MYBPC2: variants seen among roughly 807,000 people sequenced by gnomAD.
MYBPC2 encodes the protein myosin-binding protein C, fast-type.
In MYBPC2, 122 loss-of-function variants were observed where a neutral mutation model predicts 137.0. The observed-to-expected ratio is 0.89, with a 90% CI of 0.77 to 1.03. The LOEUF is 1.03. Among genes scored for constraint, MYBPC2 ranks in the 50% least tolerant of loss-of-function variants. The pLI is 0.00. For synonymous variants in MYBPC2, 626 were observed against 612.3 expected, an observed-to-expected ratio of 1.02 and a Z score of -0.33; for missense variants, 1,500 against 1,534.4, an observed-to-expected ratio of 0.98 and a Z score of 0.37.
chr19:50,445,036 A>G (rs1272618746), intron 11 of MYBPC2, among the ~76,000 whole-genome samples: 2 of 152,184 alleles, frequency 1.3e-5, no homozygotes, highest in Middle Eastern at 3.2e-3. Flanking sequence ...ACATACATAC[A>G]TATAAAAGTT....
intron 9 of MYBPC2, among the ~76,000 whole-genome samples, chr19:50,443,227 G>A (rs2039771952): frequency 6.6e-6 from 1 of 152,154 alleles, no homozygotes; most frequent in Admixed American, 6.6e-5. Flanking sequence ...AGGGGCTGAG[G>A]TGGGAGGATG....
intron 25 of MYBPC2, 43 bp from the exon 26 acceptor site, chr19:50,461,857 G>T (rs771548804): frequency 6.3e-7 from 1 of 1,582,290 alleles, no homozygotes; most frequent in East Asian, 2.3e-5. Context: ...TGTCAGGGGA[G>T]AATCTAGATC....
intron 1 of MYBPC2, among the ~76,000 whole-genome samples, chr19:50,434,394 G>C (rs1397576019): frequency 6.6e-6 from 1 of 152,066 alleles, no homozygotes; most frequent in Non-Finnish European, 1.5e-5. Flanking sequence ...AGATTCCAAG[G>C]GACCTTCTCT....
chr19:50,458,556 CGA>C, intron 20 of MYBPC2, 29 bp from the exon 21 acceptor site: 1 of 1,604,800 alleles, frequency 6.2e-7, no homozygotes, highest in South Asian at 1.1e-5. Context: ...GAGGAGGGCA[CGA>C]GATCCGCCAG....
chr19:50,451,609 G>A (rs1171419090), intron 15 of MYBPC2, among the ~76,000 whole-genome samples: 1 of 150,314 alleles, frequency 6.7e-6, no homozygotes, highest in African/African-American at 2.5e-5. Context: ...CTAGACTGTA[G>A]GGTGTGAGGG....
intron 7 of MYBPC2, among the ~76,000 whole-genome samples, chr19:50,438,589 G>A (rs1317948393): frequency 6.6e-6 from 1 of 152,112 alleles, no homozygotes; most frequent in Non-Finnish European, 1.5e-5. Flanking sequence ...TTGAAGTCTG[G>A]GTGCAGTGGT....
At chr19:50,445,807 G>T in intron 11 of MYBPC2, 73 bp from the exon 12 acceptor site, 1 of 1,459,652 alleles carries the variant, frequency 6.9e-7, no homozygotes, top group Non-Finnish European at 9.3e-7. Flanking sequence ...ATGGGCCCCC[G>T]ACTGACTCTC....
rs2039959011 is a variant in MYBPC2 at position 50,460,142 on chromosome 19, T to C, written c.2894T>C (p.Met965Thr). The change falls in exon 24 of 28, where the codon ATG (methionine) becomes ACG (threonine). Residue 965 changes from methionine to threonine, a missense_variant. Transcript: ENST00000357701. ...APKDDGNSEIMGYFVQKADKK... is the reference protein window; with the variant it reads ...APKDDGNSEITGYFVQKADKK... ...AAAGATGATGGGAACAGTGAGATCA[T>C]GGGGTATTTCGTCCAGAAAGCAGAC... 4 of 1,592,596 alleles carry C rather than the reference T, an allele frequency of 2.5e-6. No individual in the cohort carries two copies. The highest frequency in any genetic ancestry group is 2.6e-6 in the Non-Finnish European group (3 of 1,170,582).
At chr19:50,452,496 GTATGTATGTATGTATCTATC>G (rs1332856692) in intron 16 of MYBPC2, among the ~76,000 whole-genome samples, 52 of 51,948 alleles carry the variant, frequency 1.0e-3, no homozygotes, top group East Asian at 6.1e-3. Context: ...ATGTATGTAT[GTATGTATGTATGTATCTATC>G]TATCTATCTA....
At chr19:50,464,611 G>C (rs1601300991) in intron 27 of MYBPC2, 79 bp downstream of exon 27, 2 of 1,437,906 alleles carry the variant, frequency 1.4e-6, no homozygotes, top group Non-Finnish European at 1.8e-6. Context: ...CCCGGGCTGA[G>C]CACCGCTGAG....
chr19:50,452,706 TGC>T (rs770172817), intron 16 of MYBPC2, among the ~76,000 whole-genome samples: 29 of 152,088 alleles, frequency 1.9e-4, no homozygotes, highest in Non-Finnish European at 3.5e-4. Context: ...CACAAAAGTG[TGC>T]CACCATGCCT....
chr19:50,459,227 C>G lies in MYBPC2; in HGVS notation c.2712C>G (p.Arg904=). ...TGTTCTTCGTGCGCCAGGCGGCCCG[C>G]TCCGACTCCGGGGAGTACGAGCTGA... is the stretch of plus-strand genomic sequence containing the variant. ...DTVFFVRQAA[R]SDSGEYELSV... is the part of the protein sequence containing the mutation. The change falls in exon 23 of 28, where the codon CGC becomes CGG. Residue 904 remains arginine, a synonymous_variant. Transcript: ENST00000357701. The G allele has an allele frequency of 1.2e-6, 2 of 1,611,378 alleles. No individual in the cohort carries two copies. Among genetic ancestry groups the G allele is most frequent in the Non-Finnish European group, 1.7e-6 (2 of 1,179,578 alleles).
chr19:50,460,251 A>G, intron 24 of MYBPC2, 72 bp downstream of exon 24: 1 of 1,509,248 alleles, frequency 6.6e-7, no homozygotes, highest in Non-Finnish European at 8.9e-7. Flanking sequence ...TCCCCCGTTC[A>G]CAGCTGGAAG....
intron 16 of MYBPC2, among the ~76,000 whole-genome samples, chr19:50,453,131 T>G (rs888016901): frequency 6.6e-6 from 1 of 152,176 alleles, no homozygotes; most frequent in African/African-American, 2.4e-5. Flanking sequence ...TATTTATTTT[T>G]AAATTTGAGA....
intron 24 of MYBPC2, 31 bp from the exon 25 acceptor site, chr19:50,461,511 C>A: frequency 1.9e-6 from 3 of 1,605,380 alleles, no homozygotes; most frequent in Non-Finnish European, 2.6e-6. Context: ...GTGGCCCCGA[C>A]CCGCCTGGTC....
rs760990970 is a variant in MYBPC2 at position 50,458,616 on chromosome 19, C to A, written c.2368C>A (p.Pro790Thr). The change falls in exon 21 of 28, where the codon CCC (proline) becomes ACC (threonine). Residue 790 changes from proline (P) to threonine (T), a missense_variant. Coordinates refer to ENST00000357701, the MANE Select transcript of MYBPC2 (RefSeq NM_004533.4). ...SEEWVPANTE[P>T]VERCGFTVKN... ...GGAATGGGTCCCTGCCAACACCGAG[C>A]CCGTGGAGCGCTGTGGCTTCACCGT... 1.2e-6 allele frequency: 2 copies of A among 1,612,680 alleles called. No individual in the cohort carries two copies. The highest frequency in any genetic ancestry group is 1.7e-6 in the Non-Finnish European group (2 of 1,179,886).
chr19:50,445,795 G>T, intron 11 of MYBPC2, 85 bp from the exon 12 acceptor site: 1 of 1,375,440 alleles, frequency 7.3e-7, no homozygotes, highest in Non-Finnish European at 9.9e-7. Context: ...TGATCCCTCT[G>T]CATGGGCCCC....
rs1370326282 is a variant in MYBPC2, at chr19:50,448,448, G to GCTGT, written c.1472+59_1472+62dup. The GCTGT allele has an allele frequency of 1.8e-5, 28 of 1,564,986 alleles. No individual in the cohort carries two copies. In the East Asian group the frequency reaches 6.3e-4, roughly 35 times the overall value. On this transcript the variant is annotated intron_variant, in intron 13 of 27. Transcript: ENST00000357701. ...AGGGTGTGCATAGCAGTTAGCTTTAGCTGTGTAACAAGCTGTCCCCCATTT... is the reference window on the plus strand; with the variant it reads ...AGGGTGTGCATAGCAGTTAGCTTTAGCTGTCTGTGTAACAAGCTGTCCCCCATTT...
chr19:50,464,501 G>A lies in MYBPC2; in HGVS notation c.3384G>A (p.Glu1128=), dbSNP rs1422604605. Reference sequence around the variant, plus strand: ...GCCGGGCCGTCAACGAGCTGGGCGAGGCGCTGGCTGAGTGCAAGCTGGAGG... The same window carrying A: ...GCCGGGCCGTCAACGAGCTGGGCGAAGCGCTGGCTGAGTGCAAGCTGGAGG... ...YTCRAVNELG[E]ALAECKLEVR... The change falls in exon 27 of 28, where the codon GAG becomes GAA. Residue 1128 remains glutamate, a synonymous_variant. Coordinates refer to ENST00000357701, the MANE Select transcript of MYBPC2 (RefSeq NM_004533.4). 3 of 1,612,052 alleles carry A rather than the reference G, an allele frequency of 1.9e-6. No individual in the cohort carries two copies. The highest frequency in any genetic ancestry group is 2.5e-6 in the Non-Finnish European group (3 of 1,179,430).
Sources: gnomAD v4.1 joint callset for allele counts (sites outside exome capture counted in the v4.1 genomes callset) on GRCh38, gnomAD v4.1.1 for gene constraint, MANE v1.5 for transcripts, NCBI Gene and HGNC (gene_info 2026-07-23, HGNC 2026-07-21) for gene names.